Variants in RSU1 observed in about 807,000 individuals in gnomAD.
RSU1 encodes rsu-1.
Under a neutral mutation model 31.1 loss-of-function variants are expected in RSU1, and 26 were observed. The ratio of observed to expected loss-of-function variants is 0.84; its 90% CI spans 0.61 to 1.16. The LOEUF (loss-of-function observed/expected upper bound fraction) is 1.16, where lower values mean the gene tolerates loss of function less well. Ranked by LOEUF, RSU1 falls within the 50% of genes most tolerant of loss-of-function variation. The pLI is 0.00. For synonymous variants in RSU1, 164 were observed against 136.3 expected (o/e 1.20, Z -1.41); for missense variants, 320 against 339.1 (o/e 0.94, Z 0.44).
chr10:16,597,812 C>T (rs1833645451), intron 8 of RSU1, among the ~76,000 whole-genome samples: 1 of 152,222 alleles, frequency 6.6e-6, no homozygotes, highest in South Asian at 2.1e-4. Flanking sequence ...TAAGACAGAG[C>T]TAAATGCATG....
chr10:16,705,917 T>C (rs1297965673), intron 7 of RSU1, among the ~76,000 whole-genome samples: 5 of 152,188 alleles, frequency 3.3e-5, no homozygotes, highest in Admixed American at 1.3e-4. Context: ...GCTGGGATTA[T>C]AGGCACACAC....
intron 8 of RSU1, among the ~76,000 whole-genome samples, chr10:16,605,604 A>G (rs1389609610): frequency 6.6e-6 from 1 of 152,194 alleles, no homozygotes. Context: ...TGAGCCAAGC[A>G]TCACTTCCTG....
intron 6 of RSU1, 101 bp downstream of exon 6, chr10:16,752,817 C>T: frequency 2.7e-6 from 3 of 1,123,866 alleles, no homozygotes; most frequent in East Asian, 4.8e-5. Context: ...GTGGTTTATT[C>T]CCACAAAACA....
chr10:16,812,727 A>G lies in RSU1; in HGVS notation c.109+4246T>C, dbSNP rs1838433944. Among the ~76,000 whole-genome samples the G allele has an allele frequency of 6.6e-5, 10 of 152,238 alleles. No individual in the cohort carries two copies. The South Asian group carries it at 2.1e-3, about 32-fold the overall frequency. On this transcript the variant is annotated intron_variant, in intron 2 of 8. Coordinates refer to ENST00000345264, the MANE Select transcript of RSU1 (RefSeq NM_012425.4). ...GTCTAACTTGGAAAAAAAATGATAA[A>G]GGCTTGACCACCCAGAGAGGGCAAT...
At chr10:16,812,183 T>A (rs955463863) in intron 2 of RSU1, among the ~76,000 whole-genome samples, 1 of 152,244 alleles carries the variant, frequency 6.6e-6, no homozygotes, top group African/African-American at 2.4e-5. Flanking sequence ...GGCTCACGCC[T>A]GTAATCCCAG....
chr10:16,727,601 CTT>C (rs1439674720), intron 7 of RSU1, among the ~76,000 whole-genome samples: 5 of 152,154 alleles, frequency 3.3e-5, no homozygotes, highest in Non-Finnish European at 5.9e-5. Flanking sequence ...CTGGGAAACT[CTT>C]AGGGAGAACA....
At chr10:16,697,265 T>A (rs549082821) in intron 7 of RSU1, among the ~76,000 whole-genome samples, 37 of 152,312 alleles carry the variant, frequency 2.4e-4, no homozygotes, top group Admixed American at 9.1e-4. Flanking sequence ...AAACAACCTA[T>A]GCTTACATCT....
intron 7 of RSU1, among the ~76,000 whole-genome samples, chr10:16,730,063 C>T (rs1466712125): frequency 6.6e-6 from 1 of 152,130 alleles, no homozygotes; most frequent in Non-Finnish European, 1.5e-5. Context: ...AGCTTCCGCT[C>T]AAGGCAGAAG....
In RSU1 at chr10:16,772,632, G is replaced by C. The variant is rs1003696498; in HGVS notation, c.161-8122C>G. On this transcript the variant is annotated intron_variant, in intron 3 of 8. Coordinates refer to ENST00000345264, the MANE Select transcript of RSU1 (RefSeq NM_012425.4). ...TCCAAAACACTGGAAAGAGAGAGGAGTAGAATATGAAAAAAAAAAAAAAAA... is the reference window on the plus strand; with the variant it reads ...TCCAAAACACTGGAAAGAGAGAGGACTAGAATATGAAAAAAAAAAAAAAAA... Among the ~76,000 whole-genome samples, 25 of 101,180 alleles carry C rather than the reference G, an allele frequency of 2.5e-4. No homozygotes were observed. The Admixed American group carries it at 2.5e-3, about 10-fold the overall frequency. 66.4% of individuals were successfully genotyped at this position (101,180 alleles called of 152,430 possible). A position where few individuals can be genotyped will look rare whatever the true frequency, so the allele number is the denominator to read the frequency against.
intron 8 of RSU1, among the ~76,000 whole-genome samples, chr10:16,651,695 G>T (rs1564301391): frequency 6.6e-6 from 1 of 152,096 alleles, no homozygotes; most frequent in African/African-American, 2.4e-5. Context: ...TTACTCTAAA[G>T]GTACTAGTTT....
chr10:16,634,785 T>C (rs1321673605), intron 8 of RSU1, among the ~76,000 whole-genome samples: 1 of 152,238 alleles, frequency 6.6e-6, no homozygotes, highest in Non-Finnish European at 1.5e-5. Flanking sequence ...TCCATGGATG[T>C]TCGGTGATGT....
chr10:16,686,788 A>G (rs1035345478), intron 8 of RSU1, among the ~76,000 whole-genome samples: 21 of 152,182 alleles, frequency 1.4e-4, no homozygotes, highest in African/African-American at 1.4e-4. Context: ...TTAAAGTCCT[A>G]CGGAAAAGCC....
At chr10:16,702,820 G>A (rs951069127) in intron 7 of RSU1, among the ~76,000 whole-genome samples, 1 of 152,158 alleles carries the variant, frequency 6.6e-6, no homozygotes, top group Admixed American at 6.6e-5. Context: ...ATTATATTTT[G>A]CAATGTAAGA....
At chr10:16,688,613 A>T (rs1835483395) in intron 8 of RSU1, among the ~76,000 whole-genome samples, 1 of 152,214 alleles carries the variant, frequency 6.6e-6, no homozygotes, top group Non-Finnish European at 1.5e-5. Context: ...CGTCTCAAAA[A>T]AAGAAAAAAT....
chr10:16,659,138 C>T (rs779331915), intron 8 of RSU1, among the ~76,000 whole-genome samples: 19 of 152,098 alleles, frequency 1.2e-4, no homozygotes, highest in Non-Finnish European at 2.1e-4. Context: ...GTGTTGCAGA[C>T]CACTTTTCTC....
At chr10:16,600,571 G>T (rs1387931611) in intron 8 of RSU1, among the ~76,000 whole-genome samples, 4 of 150,494 alleles carry the variant, frequency 2.7e-5, no homozygotes, top group Non-Finnish European at 4.4e-5. Flanking sequence ...TTTTTTTAGG[G>T]GGGGGTGGTT....
At chr10:16,737,919 C>T (rs4748317) in intron 7 of RSU1, among the ~76,000 whole-genome samples, 39,115 of 152,026 alleles carry the variant, frequency 0.26, 5,887 homozygotes, top group African/African-American at 0.42. Flanking sequence ...TTGTGAAGGA[C>T]TAGAATTATA....
At chr10:16,606,440 T>A (rs535139320) in intron 8 of RSU1, among the ~76,000 whole-genome samples, 1 of 152,210 alleles carries the variant, frequency 6.6e-6, no homozygotes, top group Non-Finnish European at 1.5e-5. Context: ...AAAATTAACA[T>A]AAAAGTAGTG....
chr10:16,743,499 T>C (rs1295921641), intron 7 of RSU1, among the ~76,000 whole-genome samples: 3 of 152,216 alleles, frequency 2.0e-5, no homozygotes, highest in African/African-American at 7.2e-5. Flanking sequence ...CTAAGATATG[T>C]CTGTAATTAT....
Sources: allele counts gnomAD v4.1 joint callset (sites outside exome capture counted in the v4.1 genomes callset), GRCh38; gene constraint gnomAD v4.1.1; transcripts MANE v1.5; gene names NCBI Gene and HGNC (gene_info 2026-07-23, HGNC 2026-07-21).